The following KIF14 variants were observed in gnomAD, a reference collection of about 807,000 sequenced individuals.
KIF14 encodes the protein kinesin-like protein KIF14.
Under a neutral mutation model 176.2 loss-of-function variants are expected in KIF14, and 98 were observed. The ratio of observed to expected loss-of-function variants is 0.56; its 90% CI spans 0.47 to 0.66. KIF14 has a LOEUF of 0.66. Ranked by LOEUF, KIF14 falls within the 30% of genes least tolerant of loss-of-function variation. The pLI is 0.00. For missense variants in KIF14, 1,751 were observed against 1,920.4 expected (o/e 0.91, Z 1.65); for synonymous variants, 566 against 632.2 (o/e 0.90, Z 1.57).
chr1:200,566,630 T>C (rs2102596860), intron 23 of KIF14, among the ~76,000 whole-genome samples: 1 of 150,664 alleles, frequency 6.6e-6, no homozygotes, highest in African/African-American at 2.4e-5. Context: ...TCTTGCTCTG[T>C]TGCCCAGGCT....
intron 15 of KIF14, among the ~76,000 whole-genome samples, chr1:200,592,587 G>A (rs1332183511): frequency 6.6e-6 from 1 of 152,164 alleles, no homozygotes; most frequent in Non-Finnish European, 1.5e-5. Context: ...TGTTGGCTAG[G>A]CTGGTCTCGA....
chr1:200,556,836 C>T (rs1431084310), intron 27 of KIF14, among the ~76,000 whole-genome samples: 3 of 152,186 alleles, frequency 2.0e-5, no homozygotes, highest in Admixed American at 6.5e-5. Context: ...AAATTTGAGA[C>T]GTCAGTGGTG....
chr1:200,596,140 G>A (rs543958781), intron 14 of KIF14, among the ~76,000 whole-genome samples: 1 of 152,016 alleles, frequency 6.6e-6, no homozygotes, highest in African/African-American at 2.4e-5. Flanking sequence ...TGCAATCCCA[G>A]CTACTCAGGA....
intron 18 of KIF14, among the ~76,000 whole-genome samples, chr1:200,587,067 CAG>C (rs1658788755): frequency 6.6e-6 from 1 of 152,012 alleles, no homozygotes. Context: ...GACAGGGGCT[CAG>C]GGGTTGGTTT....
intron 21 of KIF14, among the ~76,000 whole-genome samples, chr1:200,579,008 G>A (rs74749337): frequency 6.6e-6 from 1 of 152,048 alleles, no homozygotes; most frequent in Admixed American, 6.6e-5. Context: ...GGAGAATGGC[G>A]TGAACTCAGG....
intron 23 of KIF14, among the ~76,000 whole-genome samples, chr1:200,565,878 C>T (rs1053998762): frequency 4.6e-5 from 7 of 152,142 alleles, no homozygotes; most frequent in African/African-American, 1.7e-4. Flanking sequence ...GTATATCTTC[C>T]ATGCTATACT....
chr1:200,595,059 C>T (rs1011467717), intron 14 of KIF14, among the ~76,000 whole-genome samples: 4 of 152,204 alleles, frequency 2.6e-5, no homozygotes. Flanking sequence ...AACCCCATTT[C>T]ACACTTAATC....
rs756718636 is a variant in KIF14 at position 200,618,456 on chromosome 1, G to A, written c.268C>T (p.Leu90Phe). The part of the protein sequence containing the change: ...LTPNPVGRLA[L>F]QRRTTRNKES... ...TTGTTCCTTGTAGTTCTCCTCTGAA[G>A]TGCCAATCTACCTACAGGATTAGGG... The change falls in exon 2 of 30, where the codon CTT becomes TTT. Residue 90 changes from leucine to phenylalanine, a missense_variant. Transcript: ENST00000367350. The A allele has an allele frequency of 5.6e-6, 9 of 1,614,178 alleles. No homozygotes were observed. In the South Asian group the frequency reaches 9.9e-5, roughly 18 times the overall value.
At chr1:200,613,073 A>G (rs1660238563) in intron 4 of KIF14, among the ~76,000 whole-genome samples, 1 of 151,710 alleles carries the variant, frequency 6.6e-6, no homozygotes, top group South Asian at 2.1e-4. Flanking sequence ...TTTTTAGTAG[A>G]GACAGGATTT....
rs1558045353 is a variant in KIF14, at chr1:200,560,844, C to A, written c.4108G>T (p.Ala1370Ser). The A allele has an allele frequency of 6.2e-7, 1 of 1,613,938 alleles. No individual in the cohort carries two copies. Among genetic ancestry groups the A allele is most frequent in the Admixed American group, 1.7e-5 (1 of 60,016 alleles). Residue 1370 changes from alanine (A) to serine (S), a missense_variant, in exon 26 of 30, where the codon GCT becomes TCT. Ala to Ser is a moderately conservative substitution (Grantham distance 99, BLOSUM62 1). Coordinates refer to ENST00000367350, the MANE Select transcript of KIF14 (RefSeq NM_014875.3). The stretch of plus-strand genomic sequence containing the variant: ...ACAATTTGGATTGCATTCTTTTGAG[C>A]CTCTTTTATCATTGATGAAATATCC... ...CLDISSMIKEAQKNAIQIVQQ... is the reference protein window; with the variant it reads ...CLDISSMIKESQKNAIQIVQQ...
At chr1:200,578,839 C>A (rs964192411) in intron 21 of KIF14, among the ~76,000 whole-genome samples, 3 of 152,190 alleles carry the variant, frequency 2.0e-5, no homozygotes, top group East Asian at 3.8e-4. Context: ...CACCTGTAAT[C>A]CCAGCACTTT....
chr1:200,603,691 G>A (rs968364217), intron 9 of KIF14, 148 bp downstream of exon 9: 74 of 554,196 alleles, frequency 1.3e-4, no homozygotes, highest in Non-Finnish European at 4.8e-5. Context: ...CAAAAAGTAC[G>A]TATCTCTTTT....
intron 27 of KIF14, among the ~76,000 whole-genome samples, chr1:200,558,617 T>G (rs1656964282): frequency 6.6e-6 from 1 of 152,178 alleles, no homozygotes; most frequent in South Asian, 2.1e-4. Context: ...TAGAAATGGC[T>G]AAGATTTACC....
chr1:200,606,813 T>TA lies in KIF14; in HGVS notation c.1555-16dup. On this transcript the variant is annotated splice_polypyrimidine_tract_variant and intron_variant, in intron 5 of 29. Coordinates refer to ENST00000367350, the MANE Select transcript of KIF14 (RefSeq NM_014875.3). ...CTCACTCTCAGCTAGAAGAAGCAAA[T>TA]ACATGCATCATTAGGAGTATGACAA... The TA allele has an allele frequency of 6.3e-7, 1 of 1,597,588 alleles. No individual in the cohort carries two copies. Among genetic ancestry groups the TA allele is most frequent in the Non-Finnish European group, 8.6e-7 (1 of 1,165,616 alleles).
intron 20 of KIF14, among the ~76,000 whole-genome samples, chr1:200,580,895 G>A (rs1658403039): frequency 6.6e-6 from 1 of 151,928 alleles, no homozygotes; most frequent in Non-Finnish European, 1.5e-5. Flanking sequence ...CGGATCACTA[G>A]GTCAAGAGTT....
chr1:200,599,171 A>G (rs1659508992), intron 13 of KIF14, among the ~76,000 whole-genome samples: 1 of 152,196 alleles, frequency 6.6e-6, no homozygotes, highest in South Asian at 2.1e-4. Context: ...TGCTCTCAAA[A>G]TGTAAATTCC....
At chr1:200,582,758 G>A (rs541831421) in intron 19 of KIF14, among the ~76,000 whole-genome samples, 157 of 151,998 alleles carry the variant, frequency 1.0e-3, no homozygotes, top group Non-Finnish European at 1.6e-3. Flanking sequence ...GCTGAGGCAG[G>A]AGAATTGCTT....
intron 13 of KIF14, among the ~76,000 whole-genome samples, chr1:200,599,585 C>A (rs1395853149): frequency 6.6e-6 from 1 of 152,172 alleles, no homozygotes; most frequent in African/African-American, 2.4e-5. Context: ...TAGGTTCAAC[C>A]ATATGAAACT....
rs769477552 is a variant in KIF14, at chr1:200,553,643, A to T, written c.4692T>A (p.Thr1564=). The T allele has an allele frequency of 7.9e-5, 128 of 1,613,998 alleles. 1 individual carries two copies. The South Asian group carries it at 1.4e-3, about 17-fold the overall frequency. The part of the protein sequence containing the change: ...TSVGSYESRV[T]HIVHQELESL... ...ATTCTAGTTCCTGGTGGACAATGTG[A>T]GTTACTCTACTCTCATAGCTGCCAA... Residue 1564 remains threonine, a synonymous_variant, in exon 30 of 30, where the codon ACT becomes ACA. Coordinates refer to ENST00000367350, the MANE Select transcript of KIF14 (RefSeq NM_014875.3).
Sources: gnomAD v4.1 joint callset for allele counts (sites outside exome capture counted in the v4.1 genomes callset) on GRCh38, gnomAD v4.1.1 for gene constraint, MANE v1.5 for transcripts, NCBI Gene and HGNC (gene_info 2026-07-23, HGNC 2026-07-21) for gene names.